Variants in CEP164 observed in about 807,000 individuals in gnomAD.
CEP164 encodes the protein centrosomal protein 164, also known as centrosomal protein of 164 kDa.
Under a neutral mutation model 182.7 loss-of-function variants are expected in CEP164, and 162 were observed. That is an observed-to-expected ratio of 0.89 (90% CI 0.78 to 1.01). CEP164 has a LOEUF of 1.01. Ranked by LOEUF, CEP164 falls within the 50% of genes least tolerant of loss-of-function variation. The probability of loss-of-function intolerance (pLI) is 0.00; values close to 1 mark genes in which losing one functional copy is unlikely to be tolerated. For missense variants in CEP164, 1,735 were observed against 1,790.4 expected, an observed-to-expected ratio of 0.97 and a Z score of 0.56; for synonymous variants, 661 against 690.0, an observed-to-expected ratio of 0.96 and a Z score of 0.66.
chr11:117,335,389 G>A (rs2036926882), intron 1 of CEP164, among the ~76,000 whole-genome samples: 1 of 152,094 alleles, frequency 6.6e-6, no homozygotes, highest in Admixed American at 6.6e-5. Flanking sequence ...CACTGACAAA[G>A]GGAACCATGT....
chr11:117,411,944 G>A lies in CEP164; in HGVS notation c.4286+27G>A. 6.2e-7 allele frequency: 1 copy of A among 1,613,436 alleles called. No individual in the cohort carries two copies. ...TATCCTTTTACCTGGTTCCCAAACT[G>A]GGCTGGGCTGTGGGGACTGTGCTTG... On this transcript the variant is annotated intron_variant, in intron 32 of 32. Coordinates refer to ENST00000278935, the MANE Select transcript of CEP164 (RefSeq NM_014956.5). This position sits in a 1 kb window ranked among gnomAD's most constrained non-coding sequence, Gnocchi z 4.4.
intron 17 of CEP164, 74 bp downstream of exon 17, chr11:117,391,289 G>A: frequency 1.2e-5 from 17 of 1,422,604 alleles, no homozygotes; most frequent in Non-Finnish European, 1.5e-5. Flanking sequence ...AGTGCACAAG[G>A]AGAAGAAGGG....
intron 5 of CEP164, among the ~76,000 whole-genome samples, chr11:117,360,936 CTTTT>C (rs1247919224): frequency 1.5e-5 from 2 of 130,952 alleles, no homozygotes; most frequent in Non-Finnish European, 1.6e-5. Context: ...TCTTATATGG[CTTTT>C]TTTTTTTTTT....
chr11:117,382,023 CA>C (rs2043372293), intron 13 of CEP164, among the ~76,000 whole-genome samples, 155 bp downstream of exon 13: 2 of 152,092 alleles, frequency 1.3e-5, no homozygotes, highest in Non-Finnish European at 2.9e-5. Context: ...GCAGCAGCAG[CA>C]GCAGAGGCTC....
At position 117,388,736 on chromosome 11, in the gene CEP164, GA is replaced by G. The variant is rs1274675131; in HGVS notation, c.1934+1326del. The stretch of plus-strand genomic sequence containing the variant: ...AGAGAAAAGGTTTCTGGGGAATCTA[GA>G]AGGAAGGATTTTTACTTAATTCAAA... On this transcript the variant is annotated intron_variant, in intron 15 of 32. Coordinates refer to ENST00000278935, the MANE Select transcript of CEP164 (RefSeq NM_014956.5). Among the ~76,000 whole-genome samples the G allele has an allele frequency of 2.6e-5, 4 of 151,574 alleles. No individual in the cohort carries two copies. The South Asian group carries it at 8.4e-4, about 32-fold the overall frequency.
chr11:117,331,281 C>T (rs563838), intron 1 of CEP164, among the ~76,000 whole-genome samples: 66,091 of 151,978 alleles, frequency 0.43, 14,550 homozygotes, highest in East Asian at 0.59. Context: ...CCTAGGGTGT[C>T]CCCAGATGAG....
chr11:117,356,495 C>G, intron 5 of CEP164: 1 of 1,288,128 alleles, frequency 7.8e-7, no homozygotes, highest in Non-Finnish European at 1.0e-6. Flanking sequence ...CCCTGCTTGG[C>G]AAGAGGCCTC....
At chr11:117,350,687 T>C (rs1284663429) in intron 4 of CEP164, among the ~76,000 whole-genome samples, 1 of 152,220 alleles carries the variant, frequency 6.6e-6, no homozygotes. Flanking sequence ...TGAAATTGTA[T>C]TGGATTTATA....
rs777700649 is a variant in CEP164 at position 117,392,519 on chromosome 11, G to T, written c.2385G>T (p.Lys795Asn). The T allele has an allele frequency of 6.2e-7, 1 of 1,614,144 alleles. No homozygotes were observed. Among genetic ancestry groups the T allele is most frequent in the South Asian group, 1.1e-5 (1 of 91,076 alleles). ...HREVVSSLQK[K>N]IQEAQQKEEA... ...AGGTGGTCTCCAGCCTCCAGAAGAAGATACAGGAAGCTCAACAGAAAGAGG... is the reference window on the plus strand; with the variant it reads ...AGGTGGTCTCCAGCCTCCAGAAGAATATACAGGAAGCTCAACAGAAAGAGG... The change falls in exon 19 of 33, where the codon AAG (lysine) becomes AAT (asparagine). Residue 795 changes from lysine to asparagine, a missense_variant. Physicochemically the swap from Lys to Asn is moderately conservative, Grantham distance 94. Transcript: ENST00000278935.
intron 8 of CEP164, among the ~76,000 whole-genome samples, chr11:117,365,185 C>G (rs2041479041): frequency 6.6e-6 from 1 of 152,200 alleles, no homozygotes; most frequent in Non-Finnish European, 1.5e-5. Context: ...AAGACAATCT[C>G]TATGAGAATG....
chr11:117,350,970 A>AAT (rs1373238254), intron 4 of CEP164, among the ~76,000 whole-genome samples: 3 of 152,174 alleles, frequency 2.0e-5, no homozygotes, highest in African/African-American at 7.2e-5. Context: ...AGATTCTTGA[A>AAT]ATATACCTCC....
In CEP164 at chr11:117,355,606, G is replaced by C. The variant is rs2040213325; in HGVS notation, c.393+3618G>C. ...CTTCCGGCCACATGTTGCCTGCCAGGAAGAGCAAGTTGTTGTTAGATAGCA... is the reference window on the plus strand; with the variant it reads ...CTTCCGGCCACATGTTGCCTGCCAGCAAGAGCAAGTTGTTGTTAGATAGCA... On this transcript the variant is annotated intron_variant, in intron 5 of 32. Transcript: ENST00000278935. The C allele has an allele frequency of 1.5e-5, 18 of 1,199,188 alleles. No homozygotes were observed. In the South Asian group the frequency reaches 2.6e-4, roughly 17 times the overall value. The allele number at this position is 1,199,188 out of a possible 1,614,324, so 74.3% of individuals were successfully genotyped here. A position where few individuals can be genotyped will look rare whatever the true frequency, so the allele number is the denominator to read the frequency against.
At chr11:117,341,221 G>A (rs560735503) in intron 3 of CEP164, among the ~76,000 whole-genome samples, 3 of 152,200 alleles carry the variant, frequency 2.0e-5, no homozygotes, top group South Asian at 4.1e-4. Flanking sequence ...ACTTTCTTCG[G>A]CCCAGTCCAG....
intron 3 of CEP164, among the ~76,000 whole-genome samples, chr11:117,340,448 AG>A (rs1303015489): frequency 6.6e-6 from 1 of 152,256 alleles, no homozygotes; most frequent in Non-Finnish European, 1.5e-5. Context: ...ACTTGAGAGC[AG>A]GGTTCACAAT....
intron 1 of CEP164, among the ~76,000 whole-genome samples, chr11:117,329,123 T>C (rs975871619): frequency 1.3e-5 from 2 of 152,214 alleles, no homozygotes; most frequent in African/African-American, 4.8e-5. Context: ...TCTTGGTATG[T>C]TGCCCAGGCT....
chr11:117,388,997 C>T (rs1470829473), intron 15 of CEP164, among the ~76,000 whole-genome samples: 3 of 151,902 alleles, frequency 2.0e-5, no homozygotes, highest in Admixed American at 6.6e-5. Context: ...GTCTCGATCT[C>T]CTGACCTGAT....
Position 117,329,074 on chromosome 11 carries a change from T to G in CEP164, c.-98+1170T>G, listed in dbSNP as rs992836673. Among the ~76,000 whole-genome samples the G allele has an allele frequency of 4.6e-5, 7 of 152,232 alleles. No individual in the cohort carries two copies. The East Asian group carries it at 1.3e-3, about 29-fold the overall frequency. The stretch of plus-strand genomic sequence containing the variant: ...CTTGTCCTCCTGTAATTAGTTCTTA[T>G]GCAGCTGTCAGAATCATTTATTTAT... On this transcript the variant is annotated intron_variant, in intron 1 of 32. Coordinates refer to ENST00000278935, the MANE Select transcript of CEP164 (RefSeq NM_014956.5).
chr11:117,355,259 C>T, intron 5 of CEP164: 1 of 1,289,810 alleles, frequency 7.8e-7, no homozygotes, highest in Non-Finnish European at 1.0e-6. Flanking sequence ...GGAGAAACTC[C>T]AGAAGGCGAC....
rs2047107051 is a variant in CEP164 at position 117,409,688 on chromosome 11, C to T, written c.3819C>T (p.Ser1273=). 1.2e-6 allele frequency: 2 copies of T among 1,614,148 alleles called. No individual in the cohort carries two copies. The highest frequency in any genetic ancestry group is 1.7e-6 in the Non-Finnish European group (2 of 1,179,988). The stretch of plus-strand genomic sequence containing the variant: ...GCCACTCCCTCCGGCAGATCAGCAG[C>T]CAGCTGAGCAGTGTCCTCAGCATCC... ...GLSHSLRQIS[S]QLSSVLSILD... The change falls in exon 30 of 33, where the codon AGC becomes AGT. Residue 1273 remains serine, a synonymous_variant. Coordinates refer to ENST00000278935, the MANE Select transcript of CEP164 (RefSeq NM_014956.5). This position sits in a 1 kb window ranked among gnomAD's most constrained non-coding sequence, Gnocchi z 4.4.
Sources: gnomAD v4.1 joint callset for allele counts (sites outside exome capture counted in the v4.1 genomes callset) on GRCh38, gnomAD v4.1.1 for gene constraint, Gnocchi (gnomAD v3.1) non-coding constraint, MANE v1.5 for transcripts, NCBI Gene and HGNC (gene_info 2026-07-23, HGNC 2026-07-21) for gene names.